Variants in DLGAP2 observed in about 807,000 individuals in gnomAD.
The protein encoded by DLGAP2 is disks large-associated protein 2.
In DLGAP2, 26 loss-of-function variants were observed where a neutral mutation model predicts 100.3. The ratio of observed to expected loss-of-function variants is 0.26; its 90% confidence interval spans 0.19 to 0.36. The LOEUF is 0.36. DLGAP2 is among the 10% of genes least tolerant of loss of function. DLGAP2 has a pLI of 1.00. For missense variants in DLGAP2, 1,858 were observed against 1,453.2 expected, an observed-to-expected ratio of 1.28 and a Z score of -4.53; for synonymous variants, 886 against 630.1, an observed-to-expected ratio of 1.41 and a Z score of -6.08.
At chr8:925,467 G>A (rs1798793968) in intron 2 of DLGAP2, among the ~76,000 whole-genome samples, 1 of 152,144 alleles carries the variant, frequency 6.6e-6, no homozygotes, top group Non-Finnish European at 1.5e-5. Context: ...AGGCTGGACA[G>A]GGCTGGATTT....
chr8:1,693,116 T>C (rs929737280), intron 13 of DLGAP2, among the ~76,000 whole-genome samples: 1 of 147,678 alleles, frequency 6.8e-6, no homozygotes, highest in Admixed American at 6.8e-5. Flanking sequence ...TGTATCCTTA[T>C]ATATACATGC....
chr8:1,187,487 C>T (rs1001258199), intron 2 of DLGAP2, among the ~76,000 whole-genome samples: 1 of 137,584 alleles, frequency 7.3e-6, no homozygotes, highest in Non-Finnish European at 1.5e-5. Flanking sequence ...CTCACGGAAT[C>T]TCACACACCC....
chr8:1,039,811 C>T (rs547925059), intron 2 of DLGAP2, among the ~76,000 whole-genome samples: 166 of 146,406 alleles, frequency 1.1e-3, no homozygotes, highest in Non-Finnish European at 2.1e-3. Flanking sequence ...TTTCCGTGGT[C>T]GGCTCGGTGT....
intron 2 of DLGAP2, among the ~76,000 whole-genome samples, chr8:1,163,226 G>A (rs935289770): frequency 1.3e-5 from 2 of 152,244 alleles, no homozygotes; most frequent in Admixed American, 1.3e-4. Context: ...GACGATGGCA[G>A]CTGCGCCTCC....
At chr8:1,274,224 A>G (rs1799637708) in intron 3 of DLGAP2, among the ~76,000 whole-genome samples, 2 of 152,070 alleles carry the variant, frequency 1.3e-5, no homozygotes, top group African/African-American at 2.4e-5. Context: ...CTTATTTAAC[A>G]AATAAAATTA....
At chr8:1,139,799 C>T (rs1796489855) in intron 2 of DLGAP2, among the ~76,000 whole-genome samples, 1 of 152,070 alleles carries the variant, frequency 6.6e-6, no homozygotes, top group South Asian at 2.1e-4. Flanking sequence ...CAGGGGCTCT[C>T]TCAGCACCGT....
At chr8:1,316,128 C>T (rs1263972196) in intron 3 of DLGAP2, among the ~76,000 whole-genome samples, 23 of 121,296 alleles carry the variant, frequency 1.9e-4, no homozygotes, top group Admixed American at 3.5e-4. Context: ...AAAAATAGAG[C>T]GTGTGCGAGT....
At chr8:1,121,224 C>G (rs1015184778) in intron 2 of DLGAP2, among the ~76,000 whole-genome samples, 1 of 148,434 alleles carries the variant, frequency 6.7e-6, no homozygotes, top group Non-Finnish European at 1.5e-5. Flanking sequence ...CCATCCTTGT[C>G]CAGTTAGAAC....
chr8:956,284 C>G (rs1334004998), intron 2 of DLGAP2, among the ~76,000 whole-genome samples: 1 of 152,176 alleles, frequency 6.6e-6, no homozygotes, highest in Non-Finnish European at 1.5e-5. Context: ...GTTGTGCTCC[C>G]CAGGAGCTCA....
chr8:1,527,878 T>C (rs951400470), intron 4 of DLGAP2, among the ~76,000 whole-genome samples: 3 of 151,342 alleles, frequency 2.0e-5, no homozygotes, highest in African/African-American at 4.9e-5. Flanking sequence ...AAAAAAAAAA[T>C]ACACAGCTCA....
At chr8:1,133,915 G>A (rs538403007) in intron 2 of DLGAP2, among the ~76,000 whole-genome samples, 3 of 152,034 alleles carry the variant, frequency 2.0e-5, no homozygotes, top group African/African-American at 7.2e-5. Context: ...TGTGTCATGG[G>A]GGTTTGTGAT....
chr8:958,839 T>A (rs1436865429), intron 2 of DLGAP2, among the ~76,000 whole-genome samples: 2 of 152,202 alleles, frequency 1.3e-5, no homozygotes, highest in African/African-American at 4.8e-5. Flanking sequence ...GGAAAAGATT[T>A]GATGATGGGA....
At chr8:1,582,345 T>C (rs1408928130) in intron 6 of DLGAP2, among the ~76,000 whole-genome samples, 2 of 150,782 alleles carry the variant, frequency 1.3e-5, no homozygotes, top group African/African-American at 4.9e-5. Flanking sequence ...AAGAAAATTA[T>C]AGACCATTAT....
intron 3 of DLGAP2, among the ~76,000 whole-genome samples, chr8:1,263,680 T>C (rs1799395914): frequency 6.6e-6 from 1 of 152,206 alleles, no homozygotes; most frequent in Non-Finnish European, 1.5e-5. Flanking sequence ...TAAGACCTCT[T>C]AACAATTCTG....
intron 2 of DLGAP2, among the ~76,000 whole-genome samples, chr8:1,187,617 A>C (rs115876164): frequency 0.069 from 6,336 of 92,236 alleles, 137 homozygotes; most frequent in African/African-American, 0.26. Flanking sequence ...AATCTCACAC[A>C]CCCAGGACCT....
chr8:1,008,009 G>C (rs971022633), intron 2 of DLGAP2, among the ~76,000 whole-genome samples: 1 of 152,136 alleles, frequency 6.6e-6, no homozygotes, highest in Admixed American at 6.5e-5. Flanking sequence ...GATGAGCAGG[G>C]CCCTGAATGT....
chr8:836,620 C>T (rs1489091342), intron 1 of DLGAP2, among the ~76,000 whole-genome samples: 1 of 152,166 alleles, frequency 6.6e-6, no homozygotes, highest in Non-Finnish European at 1.5e-5. Flanking sequence ...GGCCTGTGGG[C>T]AGGGGGTGGG....
At position 1,417,172 on chromosome 8, in the gene DLGAP2, C is replaced by T. The variant is rs112492292; in HGVS notation, c.107-84194C>T. Among the ~76,000 whole-genome samples the T allele has an allele frequency of 2.3e-5, 3 of 133,008 alleles. 1 individual carries two copies. The highest frequency in any genetic ancestry group is 6.0e-5 in the African/African-American group (2 of 33,444). The allele number at this position is 133,008 out of a possible 152,430, so 87.3% of individuals were successfully genotyped here. A position where few individuals can be genotyped will look rare whatever the true frequency, so the allele number is the denominator to read the frequency against. On this transcript the variant is annotated intron_variant, in intron 3 of 14. Coordinates refer to ENST00000637795, the MANE Select transcript of DLGAP2 (RefSeq NM_001346810.2). ...AGACTCTGAGTGAAGGGGAAGCCCC[C>T]GTTCATTTAGTGTCTGAGGCGGGGG...
At chr8:1,345,463 C>A (rs958699310) in intron 3 of DLGAP2, among the ~76,000 whole-genome samples, 5 of 152,230 alleles carry the variant, frequency 3.3e-5, no homozygotes, top group Non-Finnish European at 7.3e-5. Context: ...CAAATGATTT[C>A]ACTCTCTCTC....
Sources: allele counts gnomAD v4.1 joint callset (sites outside exome capture counted in the v4.1 genomes callset), GRCh38; gene constraint gnomAD v4.1.1; transcripts MANE v1.5; gene names NCBI Gene and HGNC (gene_info 2026-07-23, HGNC 2026-07-21).